Variants in ROR1 observed in about 807,000 individuals in gnomAD.
The protein encoded by ROR1 is inactive tyrosine-protein kinase transmembrane receptor ROR1.
ROR1 carries 19 observed loss-of-function variants against 78.8 expected under a neutral mutation model. That is an observed-to-expected ratio of 0.24 (90% CI 0.17 to 0.35). The LOEUF (loss-of-function observed/expected upper bound fraction) is 0.35. Among genes scored for constraint, ROR1 ranks in the 10% least tolerant of loss-of-function variants. ROR1 has a pLI of 1.00. For synonymous variants in ROR1, 386 were observed against 433.6 expected, an observed-to-expected ratio of 0.89 and a Z score of 1.36; for missense variants, 917 against 1,177.8, an observed-to-expected ratio of 0.78 and a Z score of 3.24.
At chr1:63,990,263 G>A (rs1646284734) in intron 1 of ROR1, among the ~76,000 whole-genome samples, 1 of 152,180 alleles carries the variant, frequency 6.6e-6, no homozygotes, top group South Asian at 2.1e-4. Flanking sequence ...GGAAGAGAAG[G>A]CTAGAGTGGG....
At chr1:63,967,110 T>C (rs1646081509) in intron 1 of ROR1, among the ~76,000 whole-genome samples, 1 of 152,212 alleles carries the variant, frequency 6.6e-6, no homozygotes, top group African/African-American at 2.4e-5. Context: ...GGAATTACTG[T>C]AAGTAAAAGA....
chr1:63,920,537 C>G (rs995857231), intron 1 of ROR1, among the ~76,000 whole-genome samples: 2 of 152,172 alleles, frequency 1.3e-5, no homozygotes, highest in Non-Finnish European at 2.9e-5. Flanking sequence ...TCACGCCATT[C>G]TCCACCACCA....
At chr1:64,110,201 A>G (rs1479306373) in intron 4 of ROR1, among the ~76,000 whole-genome samples, 1 of 152,196 alleles carries the variant, frequency 6.6e-6, no homozygotes, top group African/African-American at 2.4e-5. Context: ...ATTCAAAGCA[A>G]TGAAGGCAGC....
At chr1:64,096,818 A>G (rs1210330585) in intron 4 of ROR1, among the ~76,000 whole-genome samples, 1 of 151,066 alleles carries the variant, frequency 6.6e-6, no homozygotes, top group Non-Finnish European at 1.5e-5. Context: ...AGGAATCACC[A>G]TACTGTCTTC....
At chr1:64,034,586 A>G (rs1454890831) in intron 2 of ROR1, among the ~76,000 whole-genome samples, 3 of 151,926 alleles carry the variant, frequency 2.0e-5, no homozygotes, top group Non-Finnish European at 2.9e-5. Context: ...TTTCCTTCCT[A>G]TTCTCTCCAT....
At chr1:63,850,256 T>C (rs949823502) in intron 1 of ROR1, among the ~76,000 whole-genome samples, 4 of 152,182 alleles carry the variant, frequency 2.6e-5, no homozygotes, top group African/African-American at 9.7e-5. Flanking sequence ...AAGTATGCTA[T>C]TGTATGACCA....
At position 64,163,222 on chromosome 1, in the gene ROR1, A is replaced by AACACACACACACACACACAC. The variant is rs57880828; in HGVS notation, c.1386+4056_1386+4075dup. Among the ~76,000 whole-genome samples, 78 of 137,756 alleles carry AACACACACACACACACACAC rather than the reference A, an allele frequency of 5.7e-4. 1 individual carries two copies. Among genetic ancestry groups the AACACACACACACACACACAC allele is most frequent in the African/African-American group, 2.1e-3 (75 of 36,312 alleles). 90.4% of individuals were successfully genotyped at this position (137,756 alleles called of 152,430 possible). A position where few individuals can be genotyped will look rare whatever the true frequency, so the allele number is the denominator to read the frequency against. On this transcript the variant is annotated intron_variant, in intron 8 of 8. Coordinates refer to ENST00000371079, the MANE Select transcript of ROR1 (RefSeq NM_005012.4). The stretch of plus-strand genomic sequence containing the variant: ...AACATGGGGAAACCCCATCTCTACA[A>AACACACACACACACACACAC]ACACACACACACACACACACACACA...
intron 1 of ROR1, among the ~76,000 whole-genome samples, chr1:63,977,363 G>A (rs1269976503): frequency 1.3e-5 from 2 of 152,082 alleles, no homozygotes; most frequent in Non-Finnish European, 2.9e-5. Flanking sequence ...ACATGAAGTC[G>A]GGTGTGGAAT....
intron 1 of ROR1, among the ~76,000 whole-genome samples, chr1:63,869,618 A>G (rs751895559): frequency 6.6e-6 from 1 of 152,194 alleles, no homozygotes; most frequent in African/African-American, 2.4e-5. Flanking sequence ...TCCCCAGTAC[A>G]GAACTTAGCT....
At chr1:64,020,496 C>G (rs1010246226) in intron 2 of ROR1, among the ~76,000 whole-genome samples, 1 of 152,136 alleles carries the variant, frequency 6.6e-6, no homozygotes, top group East Asian at 1.9e-4. Context: ...CAAGGTTTTT[C>G]ACATACACAG....
At chr1:64,149,348 A>G (rs1212348428) in intron 7 of ROR1, among the ~76,000 whole-genome samples, 1 of 152,208 alleles carries the variant, frequency 6.6e-6, no homozygotes, top group Non-Finnish European at 1.5e-5. Flanking sequence ...CTTAAACAAT[A>G]GAGTCCTGAT....
intron 1 of ROR1, 119 bp from the exon 2 acceptor site, chr1:64,009,186 C>T (rs975581818): frequency 1.6e-5 from 12 of 759,362 alleles, no homozygotes; most frequent in Non-Finnish European, 2.3e-5. Flanking sequence ...ATGGGATTGC[C>T]GTGGTCTCTC....
chr1:64,056,687 A>AC (rs1415325826), intron 4 of ROR1, among the ~76,000 whole-genome samples: 1 of 151,942 alleles, frequency 6.6e-6, no homozygotes, highest in Non-Finnish European at 1.5e-5. Flanking sequence ...AAAAAAAAAA[A>AC]AAACAAACAT....
At chr1:64,127,481 CCTCT>C (rs909427571) in intron 4 of ROR1, among the ~76,000 whole-genome samples, 2 of 151,016 alleles carry the variant, frequency 1.3e-5, no homozygotes, top group African/African-American at 2.4e-5. Flanking sequence ...TTCTCTGTCT[CCTCT>C]CTCTGTCTCT....
chr1:63,836,430 A>AACAAAAAGTTATG, intron 1 of ROR1, among the ~76,000 whole-genome samples: 1 of 152,318 alleles, frequency 6.6e-6, no homozygotes, highest in East Asian at 1.9e-4. Context: ...AATAAATAGG[A>AACAAAAAGTTATG]ACAAAAAGTT....
chr1:63,998,801 A>C (rs1646360012), intron 1 of ROR1, among the ~76,000 whole-genome samples: 1 of 152,180 alleles, frequency 6.6e-6, no homozygotes, highest in African/African-American at 2.4e-5. Context: ...GTCCCCACCC[A>C]AATCTCATCT....
intron 1 of ROR1, among the ~76,000 whole-genome samples, chr1:63,918,413 C>T (rs1645627030): frequency 6.6e-6 from 1 of 152,150 alleles, no homozygotes; most frequent in Admixed American, 6.5e-5. Context: ...AGAATTTGAA[C>T]GCAGGTCTGT....
At chr1:63,858,868 G>GT (rs1645163757) in intron 1 of ROR1, among the ~76,000 whole-genome samples, 1 of 152,162 alleles carries the variant, frequency 6.6e-6, no homozygotes, top group Admixed American at 6.5e-5. Flanking sequence ...AAAGAAATGT[G>GT]TGAGTATGTG....
intron 1 of ROR1, among the ~76,000 whole-genome samples, chr1:63,900,224 C>T (rs533674837): frequency 2.0e-5 from 3 of 152,086 alleles, no homozygotes; most frequent in Non-Finnish European, 4.4e-5. Context: ...GAGGCCAAGG[C>T]GGGCAGATCA....
Sources: gnomAD v4.1 joint callset for allele counts (sites outside exome capture counted in the v4.1 genomes callset) on GRCh38, gnomAD v4.1.1 for gene constraint, MANE v1.5 for transcripts, NCBI Gene and HGNC (gene_info 2026-07-23, HGNC 2026-07-21) for gene names.